Variants in NCKAP5 observed in about 807,000 individuals in gnomAD.
NCKAP5 encodes the protein nck-associated protein 5.
A neutral mutation model predicts 167.0 loss-of-function variants in NCKAP5; 92 were observed. The ratio of observed to expected loss-of-function variants is 0.55; its 90% CI spans 0.47 to 0.66. The LOEUF is 0.66. Among genes scored for constraint, NCKAP5 ranks in the 30% least tolerant of loss-of-function variants. The probability of loss-of-function intolerance (pLI) is 0.00; values close to 1 mark genes in which losing one functional copy is unlikely to be tolerated. For synonymous variants in NCKAP5, 891 were observed against 877.4 expected, an observed-to-expected ratio of 1.02 and a Z score of -0.27; for missense variants, 2,378 against 2,315.0, an observed-to-expected ratio of 1.03 and a Z score of -0.56.
At chr2:133,314,887 G>A (rs1032825206) in intron 3 of NCKAP5, among the ~76,000 whole-genome samples, 5 of 152,188 alleles carry the variant, frequency 3.3e-5, no homozygotes, top group African/African-American at 9.7e-5. Flanking sequence ...GGAACTAACC[G>A]AGGTGGCTAC....
intron 16 of NCKAP5, among the ~76,000 whole-genome samples, chr2:132,742,484 G>C (rs1172210209): frequency 1.3e-5 from 2 of 151,906 alleles, no homozygotes; most frequent in East Asian, 3.9e-4. Context: ...ATTGGAGCCA[G>C]ATCACCCTAT....
At chr2:132,697,431 A>G (rs1369207184) in intron 19 of NCKAP5, among the ~76,000 whole-genome samples, 2 of 152,218 alleles carry the variant, frequency 1.3e-5, no homozygotes, top group Non-Finnish European at 2.9e-5. Context: ...CTGAGCTCTC[A>G]AAGGGGATGT....
intron 3 of NCKAP5, among the ~76,000 whole-genome samples, chr2:133,508,541 T>G (rs1258911000): frequency 6.6e-6 from 1 of 152,240 alleles, no homozygotes; most frequent in African/African-American, 2.4e-5. Context: ...ACTCCATTCC[T>G]GTGCTGATCA....
intron 3 of NCKAP5, among the ~76,000 whole-genome samples, chr2:133,337,561 G>C (rs1683295478): frequency 6.6e-6 from 1 of 152,146 alleles, no homozygotes; most frequent in Non-Finnish European, 1.5e-5. Context: ...GGTGGTTAGG[G>C]TGGGCCCTAA....
At chr2:133,667,248 G>A in the NCKAP5 span, among the ~76,000 whole-genome samples, 12 of 151,922 alleles carry the variant, frequency 7.9e-5, no homozygotes, top group Non-Finnish European at 1.3e-4. Context: ...TGGTGATGAT[G>A]TGACAATAGT....
chr2:133,471,160 A>AT (rs950903463), intron 3 of NCKAP5, among the ~76,000 whole-genome samples: 4 of 151,106 alleles, frequency 2.6e-5, no homozygotes, highest in East Asian at 1.9e-4. Context: ...CAGCTCTTTA[A>AT]TTTTTTTTTC....
chr2:133,428,349 T>C (rs1689942765), intron 3 of NCKAP5, among the ~76,000 whole-genome samples: 1 of 152,124 alleles, frequency 6.6e-6, no homozygotes, highest in African/African-American at 2.4e-5. Context: ...AAAACTAATA[T>C]TTCAGATGAG....
At position 132,784,831 on chromosome 2, in the gene NCKAP5, C is replaced by T. The variant is rs1683404926; in HGVS notation, c.1980G>A (p.Arg660=). 1 of 1,579,854 alleles carries T rather than the reference C, an allele frequency of 6.3e-7. No homozygotes were observed. Among genetic ancestry groups the T allele is most frequent in the Admixed American group, 1.8e-5 (1 of 55,994 alleles). Residue 660 remains arginine (R), a synonymous_variant, in exon 14 of 20, where the codon AGG becomes AGA. Coordinates refer to ENST00000409261, the MANE Select transcript of NCKAP5 (RefSeq NM_207363.3). ...CAGTCACACATTCTTCTGAAGAAGT[C>T]CTTTTTACAACTCTTTGCTGCTTAA... is the stretch of plus-strand genomic sequence containing the variant. ...SFIKQQRVVK[R]TSSEECVTVI...
intron 18 of NCKAP5, among the ~76,000 whole-genome samples, chr2:132,726,243 T>G (rs1418930122): frequency 1.3e-5 from 2 of 152,238 alleles, no homozygotes; most frequent in Non-Finnish European, 2.9e-5. Flanking sequence ...ATAATTTTCT[T>G]TCAGCTCCCA....
intron 5 of NCKAP5, among the ~76,000 whole-genome samples, chr2:133,179,269 A>C (rs1257020297): frequency 6.6e-6 from 1 of 151,302 alleles, no homozygotes; most frequent in Non-Finnish European, 1.5e-5. Flanking sequence ...TTTGTATTAC[A>C]CTTACCAGTT....
intron 4 of NCKAP5, among the ~76,000 whole-genome samples, chr2:133,244,191 T>C (rs2087863955): frequency 1.3e-5 from 2 of 152,182 alleles, no homozygotes; most frequent in South Asian, 4.1e-4. Context: ...GTAAACAAGT[T>C]TGATAAAGAT....
chr2:133,279,086 T>C (rs145941912), intron 4 of NCKAP5, among the ~76,000 whole-genome samples: 1 of 152,352 alleles, frequency 6.6e-6, no homozygotes, highest in East Asian at 1.9e-4. Context: ...TTCAACCATT[T>C]TGGAGGAAAA....
intron 8 of NCKAP5, among the ~76,000 whole-genome samples, chr2:132,959,701 C>G (rs2076454605): frequency 6.6e-6 from 1 of 152,106 alleles, no homozygotes; most frequent in African/African-American, 2.4e-5. Context: ...TCCTGGAGGG[C>G]AGGTCTGGGA....
intron 19 of NCKAP5, among the ~76,000 whole-genome samples, chr2:132,722,277 C>T (rs1483015137): frequency 6.6e-6 from 1 of 152,156 alleles, no homozygotes; most frequent in Non-Finnish European, 1.5e-5. Flanking sequence ...CTTAGACCAT[C>T]CTCCCCCTCC....
chr2:133,517,893 CCTCT>C (rs1287431259), intron 2 of NCKAP5, among the ~76,000 whole-genome samples: 7 of 152,146 alleles, frequency 4.6e-5, no homozygotes, highest in African/African-American at 9.7e-5. Flanking sequence ...CCACACCCGT[CCTCT>C]CTCTATCAGC....
intron 3 of NCKAP5, among the ~76,000 whole-genome samples, chr2:133,502,780 A>G (rs960517948): frequency 6.6e-6 from 1 of 152,240 alleles, no homozygotes; most frequent in African/African-American, 2.4e-5. Flanking sequence ...CAAGATTTTA[A>G]TAGAAGCACA....
chr2:133,648,407 G>A, the NCKAP5 span, among the ~76,000 whole-genome samples: 2 of 152,056 alleles, frequency 1.3e-5, no homozygotes, highest in Non-Finnish European at 2.9e-5. Flanking sequence ...TAAATCAAAT[G>A]TATCTAACAG....
At chr2:132,770,566 T>C (rs1681951470) in intron 16 of NCKAP5, among the ~76,000 whole-genome samples, 1 of 151,782 alleles carries the variant, frequency 6.6e-6, no homozygotes, top group South Asian at 2.1e-4. Flanking sequence ...CTCCACCACT[T>C]TGAAGAGATA....
chr2:132,955,382 C>G (rs2076309058), intron 8 of NCKAP5, among the ~76,000 whole-genome samples: 1 of 152,122 alleles, frequency 6.6e-6, no homozygotes, highest in Non-Finnish European at 1.5e-5. Context: ...GGATCTAAGT[C>G]TGAAGACCCA....
Sources: gnomAD v4.1 joint callset for allele counts (sites outside exome capture counted in the v4.1 genomes callset) on GRCh38, gnomAD v4.1.1 for gene constraint, MANE v1.5 for transcripts, NCBI Gene and HGNC (gene_info 2026-07-23, HGNC 2026-07-21) for gene names.